ANAPC5: variants seen among roughly 807,000 people sequenced by gnomAD.
ANAPC5 encodes the protein anaphase-promoting complex subunit 5.
A neutral mutation model predicts 91.3 loss-of-function variants in ANAPC5; 60 were observed. The ratio of observed to expected loss-of-function variants is 0.66; its 90% CI spans 0.53 to 0.81. The LOEUF (loss-of-function observed/expected upper bound fraction) is 0.81. Ranked by LOEUF, ANAPC5 falls within the 40% of genes least tolerant of loss-of-function variation. ANAPC5 has a pLI of 0.00. For missense variants in ANAPC5, 690 were observed against 931.5 expected (o/e 0.74, Z 3.37); for synonymous variants, 340 against 364.1 (o/e 0.93, Z 0.75).
chr12:121,327,622 C>A (rs1555272432), intron 10 of ANAPC5: 1 of 185,506 alleles, frequency 5.4e-6, no homozygotes, highest in East Asian at 1.6e-4. Context: ...TTTCAGAGCA[C>A]ACCGTGCCAA....
rs1261327043 is a variant in ANAPC5, at chr12:121,325,451, A to G, written c.1440+1645T>C. ...GCACTCCAGCCTGGGTGACAGAGTG[A>G]GACTCCCTCTCAAAAAAATAAAATT... On this transcript the variant is annotated intron_variant, in intron 11 of 16. Coordinates refer to ENST00000261819, the MANE Select transcript of ANAPC5 (RefSeq NM_016237.5). 5.9e-5 allele frequency among the ~76,000 whole-genome samples: 9 copies of G among 151,790 alleles called. No individual in the cohort carries two copies. The East Asian group carries it at 1.7e-3, about 29-fold the overall frequency.
chr12:121,343,204 G>C (rs1035130560), intron 4 of ANAPC5, among the ~76,000 whole-genome samples: 5 of 152,114 alleles, frequency 3.3e-5, no homozygotes, highest in Admixed American at 1.3e-4. Flanking sequence ...AATAAGAAAA[G>C]TCTGAATTTT....
intron 11 of ANAPC5, chr12:121,326,413 G>A (rs1469005365): frequency 2.0e-5 from 3 of 152,198 alleles, no homozygotes; most frequent in Admixed American, 6.5e-5. Context: ...TCCCATGAAA[G>A]AAGATATTTT....
intron 9 of ANAPC5, 155 bp from the exon 10 acceptor site, chr12:121,328,652 C>CGG: frequency 1.6e-6 from 1 of 644,986 alleles, no homozygotes. Flanking sequence ...TAACCCTGAG[C>CGG]CATACGAGAT....
intron 1 of ANAPC5, 104 bp from the exon 2 acceptor site, chr12:121,347,985 C>A (rs1903736923): frequency 1.3e-6 from 1 of 793,604 alleles, no homozygotes; most frequent in Non-Finnish European, 2.1e-6. Context: ...TTAATAATCA[C>A]TCCAAACATG....
At chr12:121,319,557 G>T in intron 13 of ANAPC5, 140 bp downstream of exon 13, 1 of 886,082 alleles carries the variant, frequency 1.1e-6, no homozygotes, top group Non-Finnish European at 1.7e-6. Flanking sequence ...ACCATGCCCA[G>T]CTGCTTACCT....
At chr12:121,312,150 G>C (rs964229925) in intron 15 of ANAPC5, among the ~76,000 whole-genome samples, 5 of 152,032 alleles carry the variant, frequency 3.3e-5, no homozygotes, top group African/African-American at 9.7e-5. Context: ...TCAAAAATCA[G>C]TAACAGAAGG....
intron 7 of ANAPC5, 50 bp from the exon 8 acceptor site, chr12:121,331,478 T>C (rs1555272914): frequency 6.8e-7 from 1 of 1,476,082 alleles, no homozygotes. Flanking sequence ...CAAACATGCA[T>C]AAGCAACCAT....
At chr12:121,321,120 A>T (rs1259079886) in intron 11 of ANAPC5, 1 of 151,776 alleles carries the variant, frequency 6.6e-6, no homozygotes, top group Non-Finnish European at 1.5e-5. Context: ...GTGGTGGCTC[A>T]TGCCTGTAAT....
Position 121,337,359 on chromosome 12 carries a change from GGGCCTTA to G in ANAPC5, c.684_690del (p.Lys229SerfsTer10). 6.2e-7 allele frequency: 1 copy of G among 1,613,832 alleles called. No homozygotes were observed. Among genetic ancestry groups the G allele is most frequent in the African/African-American group, 1.3e-5 (1 of 75,042 alleles). On this transcript the variant is annotated frameshift_variant, in exon 6 of 17. Transcript: ENST00000261819. LOFTEE classifies it high-confidence loss of function. ...TCCTTCTGCAAGGAAGCTGGAGTGA[GGGCCTTA>G]GTCTCATCATTCTTTAGCAAAGAAG...
chr12:121,346,085 G>A (rs782705163), intron 3 of ANAPC5, 54 bp from the exon 4 acceptor site: 20 of 1,422,576 alleles, frequency 1.4e-5, no homozygotes, highest in African/African-American at 7.2e-5. Context: ...TCCAGGCTAC[G>A]CAATGGCAAC....
chr12:121,320,550 C>G, intron 11 of ANAPC5, 91 bp from the exon 12 acceptor site: 1 of 1,068,196 alleles, frequency 9.4e-7, no homozygotes, highest in South Asian at 1.6e-5. Context: ...TTCACCTGTT[C>G]CCGTTCTTGA....
In ANAPC5 at chr12:121,331,339, G is replaced by A. The variant is rs1169990420; in HGVS notation, c.1032+8C>T. On this transcript the variant is annotated splice_region_variant and intron_variant, in intron 8 of 16. Coordinates refer to ENST00000261819, the MANE Select transcript of ANAPC5 (RefSeq NM_016237.5). ...AACAAAACTCCCAAGACCAGAGGAT[G>A]GCCTCACCAAACAGTGCTGGAGACA... 3.2e-6 allele frequency: 5 copies of A among 1,583,140 alleles called. No homozygotes were observed. In the African/African-American group the frequency reaches 4.0e-5, roughly 13 times the overall value.
At chr12:121,327,459 G>GATC in intron 10 of ANAPC5, 1 of 531,428 alleles carries the variant, frequency 1.9e-6, no homozygotes. Flanking sequence ...TTAGGGCACA[G>GATC]CTGGGAGTAC....
Position 121,352,127 on chromosome 12 carries a change from C to T in ANAPC5, c.207+7G>A, listed in dbSNP as rs782594144. 37 of 1,601,326 alleles carry T rather than the reference C, an allele frequency of 2.3e-5. No individual in the cohort carries two copies. Among genetic ancestry groups the T allele is most frequent in the South Asian group, 7.7e-5 (7 of 90,630 alleles). Reference sequence around the variant, plus strand: ...TGCACGAGCAGGAGCCAGCGGGCGCCTCTCACCTGCAGCAGGGGCAGGAGC... The same window carrying T: ...TGCACGAGCAGGAGCCAGCGGGCGCTTCTCACCTGCAGCAGGGGCAGGAGC... On this transcript the variant is annotated splice_region_variant and intron_variant, in intron 1 of 16. Transcript: ENST00000261819.
At position 121,327,251 on chromosome 12, in the gene ANAPC5, A is replaced by G. The variant is rs1555272371; in HGVS notation, c.1305-20T>C. 1.9e-6 allele frequency: 3 copies of G among 1,610,078 alleles called. No homozygotes were observed. Among genetic ancestry groups the G allele is most frequent in the East Asian group, 4.5e-5 (2 of 44,806 alleles). ...ATGGTGCTGGGTGGGGAGAGGGAACAGGATTTCCTTTCAGCAGCAGACCTG... is the reference window on the plus strand; with the variant it reads ...ATGGTGCTGGGTGGGGAGAGGGAACGGGATTTCCTTTCAGCAGCAGACCTG... On this transcript the variant is annotated intron_variant, in intron 10 of 16. Transcript: ENST00000261819.
Position 121,312,115 on chromosome 12 carries a change from A to C in ANAPC5, c.1894-2252T>G, listed in dbSNP as rs146743799. Among the ~76,000 whole-genome samples the C allele has an allele frequency of 2.7e-3, 413 of 152,362 alleles. 4 individuals carry two copies. Among genetic ancestry groups the C allele is most frequent in the African/African-American group, 9.5e-3 (395 of 41,578 alleles). Reference sequence around the variant, plus strand: ...AATTTAAGAGGAATGAAATCATACAAAGAATCTCCTCTGATCACATTAAAT... The same window carrying C: ...AATTTAAGAGGAATGAAATCATACACAGAATCTCCTCTGATCACATTAAAT... On this transcript the variant is annotated intron_variant, in intron 15 of 16. Transcript: ENST00000261819.
chr12:121,311,755 C>T (rs1200695154), intron 15 of ANAPC5, among the ~76,000 whole-genome samples: 1 of 152,118 alleles, frequency 6.6e-6, no homozygotes, highest in Non-Finnish European at 1.5e-5. Flanking sequence ...ATCACTTGAG[C>T]TCAGGCAGTT....
rs782565936 is a variant in ANAPC5 at position 121,331,436 on chromosome 12, C to T, written c.951-8G>A. The T allele has an allele frequency of 4.4e-6, 7 of 1,603,964 alleles. No individual in the cohort carries two copies. In the African/African-American group the frequency reaches 9.4e-5, roughly 21 times the overall value. On this transcript the variant is annotated splice_polypyrimidine_tract_variant and splice_region_variant and intron_variant, in intron 7 of 16. Transcript: ENST00000261819. ...GCGAGCTCTGCCTGTTGACTAATGACAGACTAAACATTAATATCCCATTAA... is the reference window on the plus strand; with the variant it reads ...GCGAGCTCTGCCTGTTGACTAATGATAGACTAAACATTAATATCCCATTAA...
Sources: allele counts gnomAD v4.1 joint callset (sites outside exome capture counted in the v4.1 genomes callset), GRCh38; gene constraint gnomAD v4.1.1; transcripts MANE v1.5; gene names NCBI Gene and HGNC (gene_info 2026-07-23, HGNC 2026-07-21).